The following CSMD1 variants were observed in gnomAD, a reference collection of about 807,000 sequenced individuals.
CSMD1 encodes CUB and Sushi multiple domains 1, also known as CUB and sushi domain-containing protein 1.
CSMD1 carries 213 observed loss-of-function variants against 417.5 expected under a neutral mutation model. That is an observed-to-expected ratio of 0.51 (90% CI 0.46 to 0.57). CSMD1 has a LOEUF of 0.57. Among genes scored for constraint, CSMD1 ranks in the 20% least tolerant of loss-of-function variants. The pLI, the probability that CSMD1 is intolerant of heterozygous loss-of-function variation, is 0.00. For synonymous variants in CSMD1, 2,862 were observed against 1,736.8 expected (o/e 1.65, Z -16.11); for missense variants, 6,923 against 4,529.7 (o/e 1.53, Z -15.17).
chr8:4,547,245 C>T (rs1189037572), intron 2 of CSMD1, among the ~76,000 whole-genome samples: 3 of 152,174 alleles, frequency 2.0e-5, no homozygotes, highest in Non-Finnish European at 4.4e-5. Context: ...TTCCTTCCTG[C>T]GGCTGCTGAG....
chr8:4,114,203 G>C (rs1417615523), intron 3 of CSMD1, among the ~76,000 whole-genome samples: 1 of 152,192 alleles, frequency 6.6e-6, no homozygotes, highest in Non-Finnish European at 1.5e-5. Flanking sequence ...CATGCAGCTG[G>C]TAACTTTTAG....
At chr8:4,974,072 G>A (rs1275831532) in intron 1 of CSMD1, among the ~76,000 whole-genome samples, 2 of 152,204 alleles carry the variant, frequency 1.3e-5, no homozygotes, top group East Asian at 1.9e-4. Context: ...CCAGGCTGGA[G>A]AGTAGTGGTG....
rs568244659 is a variant in CSMD1 at position 4,455,746 on chromosome 8, C to G, written c.303-35681G>C. On this transcript the variant is annotated intron_variant, in intron 2 of 69. Coordinates refer to ENST00000635120, the MANE Select transcript of CSMD1 (RefSeq NM_033225.6). ...AGGAGTTCAAGACCAGCCTGGCCAA[C>G]ATGGTGAAACCCCGTCTCTACTAAA... 1.8e-4 allele frequency among the ~76,000 whole-genome samples: 28 copies of G among 151,560 alleles called. No homozygotes were observed. The East Asian group carries it at 3.7e-3, about 20-fold the overall frequency.
At chr8:3,847,920 G>T (rs1053272295) in intron 5 of CSMD1, among the ~76,000 whole-genome samples, 1 of 152,152 alleles carries the variant, frequency 6.6e-6, no homozygotes, top group Non-Finnish European at 1.5e-5. Context: ...ATAAATAAAG[G>T]TAAGTGCATA....
chr8:3,961,534 A>G (rs1812321643), intron 5 of CSMD1, among the ~76,000 whole-genome samples: 1 of 152,222 alleles, frequency 6.6e-6, no homozygotes, highest in Admixed American at 6.5e-5. Flanking sequence ...TGAAGACAAT[A>G]GGAAATCTAT....
At chr8:3,918,165 A>C (rs1808957004) in intron 5 of CSMD1, among the ~76,000 whole-genome samples, 1 of 151,970 alleles carries the variant, frequency 6.6e-6, no homozygotes, top group South Asian at 2.1e-4. Flanking sequence ...TGGGAGTGAA[A>C]GTGTGTGTTC....
chr8:3,904,815 T>A (rs919143277), intron 5 of CSMD1, among the ~76,000 whole-genome samples: 1 of 152,122 alleles, frequency 6.6e-6, no homozygotes, highest in Non-Finnish European at 1.5e-5. Context: ...TTTTGTATTT[T>A]TAGTAAAGAT....
chr8:3,997,139 A>G (rs1043561948), intron 5 of CSMD1, among the ~76,000 whole-genome samples: 1 of 152,254 alleles, frequency 6.6e-6, no homozygotes, highest in Non-Finnish European at 1.5e-5. Context: ...CAGGTTTAAA[A>G]TAATAAAAAC....
intron 2 of CSMD1, among the ~76,000 whole-genome samples, chr8:4,513,990 G>A (rs1412630661): frequency 1.3e-5 from 2 of 152,142 alleles, no homozygotes; most frequent in Non-Finnish European, 2.9e-5. Context: ...TGTAGCTAAA[G>A]AGCCTCCTCA....
intron 54 of CSMD1, among the ~76,000 whole-genome samples, chr8:2,987,481 T>C (rs905824361): frequency 1.3e-5 from 2 of 150,336 alleles, no homozygotes; most frequent in Non-Finnish European, 1.5e-5. Context: ...AAGAAATACA[T>C]AAAATGCAAT....
intron 7 of CSMD1, among the ~76,000 whole-genome samples, chr8:3,635,533 G>C (rs113927809): frequency 0.021 from 3,140 of 148,782 alleles, 105 homozygotes; most frequent in African/African-American, 0.074. Flanking sequence ...ACCCAGGCTG[G>C]AGTGCAGTGG....
chr8:3,417,643 C>A (rs1349276474), intron 12 of CSMD1, among the ~76,000 whole-genome samples: 1 of 151,584 alleles, frequency 6.6e-6, no homozygotes, highest in Non-Finnish European at 1.5e-5. Flanking sequence ...TACATGCTTC[C>A]ATTTTCGCTG....
In CSMD1 at chr8:4,960,939, A is replaced by G. The variant is rs534952682; in HGVS notation, c.85+33393T>C. ...GCATGTGGCTGTTACTTCTGATTTCACTGCACATTTTTAAACAATGCACTT... is the reference window on the plus strand; with the variant it reads ...GCATGTGGCTGTTACTTCTGATTTCGCTGCACATTTTTAAACAATGCACTT... On this transcript the variant is annotated intron_variant, in intron 1 of 69. Coordinates refer to ENST00000635120, the MANE Select transcript of CSMD1 (RefSeq NM_033225.6). Among the ~76,000 whole-genome samples the G allele has an allele frequency of 1.6e-4, 24 of 152,286 alleles. No homozygotes were observed. The South Asian group carries it at 1.7e-3, about 11-fold the overall frequency.
At chr8:3,339,981 C>G (rs1807538336) in intron 23 of CSMD1, among the ~76,000 whole-genome samples, 1 of 152,212 alleles carries the variant, frequency 6.6e-6, no homozygotes, top group African/African-American at 2.4e-5. Flanking sequence ...GAAAACAGTA[C>G]TTGCTTAATA....
chr8:4,003,878 G>C (rs184964263), intron 4 of CSMD1, among the ~76,000 whole-genome samples: 20 of 152,004 alleles, frequency 1.3e-4, no homozygotes, highest in African/African-American at 4.6e-4. Context: ...GTGATAAAAT[G>C]TTTGTTTTTG....
chr8:3,368,949 T>C (rs17065972), intron 19 of CSMD1, among the ~76,000 whole-genome samples: 4,263 of 152,256 alleles, frequency 0.028, 184 homozygotes, highest in African/African-American at 0.098. Context: ...ATTTAATCAA[T>C]GGTCAGATTT....
At chr8:4,458,115 A>G (rs565763002) in intron 2 of CSMD1, among the ~76,000 whole-genome samples, 9 of 151,662 alleles carry the variant, frequency 5.9e-5, no homozygotes, top group African/African-American at 2.2e-4. Context: ...TTTACATGAA[A>G]CTTTCTGTGT....
chr8:3,026,276 C>A (rs1414921127), intron 51 of CSMD1, among the ~76,000 whole-genome samples: 1 of 152,184 alleles, frequency 6.6e-6, no homozygotes, highest in Non-Finnish European at 1.5e-5. Context: ...CCACACACCA[C>A]AAGGACATGA....
chr8:4,894,122 C>G (rs1348024321), intron 1 of CSMD1, among the ~76,000 whole-genome samples: 1 of 151,992 alleles, frequency 6.6e-6, no homozygotes, highest in Non-Finnish European at 1.5e-5. Flanking sequence ...CACTGTATCC[C>G]ATACATTTGA....
Sources: allele counts gnomAD v4.1 joint callset (sites outside exome capture counted in the v4.1 genomes callset), GRCh38; gene constraint gnomAD v4.1.1; transcripts MANE v1.5; gene names NCBI Gene and HGNC (gene_info 2026-07-23, HGNC 2026-07-21).